The following DLGAP1 variants were observed in gnomAD, a reference collection of about 807,000 sequenced individuals.
DLGAP1 encodes disks large-associated protein 1.
Under a neutral mutation model 90.8 loss-of-function variants are expected in DLGAP1, and 11 were observed. The observed-to-expected ratio is 0.12, with a 90% CI of 0.08 to 0.20. DLGAP1 has a LOEUF of 0.20. DLGAP1 is among the 10% of genes least tolerant of loss of function. The pLI, the probability that DLGAP1 is intolerant of heterozygous loss-of-function variation, is 1.00. For synonymous variants in DLGAP1, 558 were observed against 540.7 expected (o/e 1.03, Z -0.44); for missense variants, 1,050 against 1,333.8 (o/e 0.79, Z 3.31).
chr18:4,261,843 C>T (rs556640967), intron 1 of DLGAP1, among the ~76,000 whole-genome samples: 4 of 152,162 alleles, frequency 2.6e-5, no homozygotes, highest in African/African-American at 9.6e-5. Context: ...AGCAGTAAAG[C>T]TCAGTGAGCT....
chr18:4,144,040 C>G (rs556705607), intron 2 of DLGAP1, among the ~76,000 whole-genome samples: 1 of 152,108 alleles, frequency 6.6e-6, no homozygotes, highest in Non-Finnish European at 1.5e-5. Context: ...GAAGAAGTCT[C>G]TCTTAGGGTG....
intron 1 of DLGAP1, among the ~76,000 whole-genome samples, chr18:4,423,851 T>TA (rs36053501): frequency 0.067 from 8,109 of 120,578 alleles, 901 homozygotes; most frequent in African/African-American, 0.24. Flanking sequence ...CCCAGGAATT[T>TA]AAAAAAAAAA....
rs189429473 is a variant in DLGAP1 at position 3,686,895 on chromosome 18, G to A, written c.1591+42240C>T. The stretch of plus-strand genomic sequence containing the variant: ...AAAGGGTCTTTGCAGAACTGATTAA[G>A]GATCCTGAGGTGGTGAGATTATCCC... On this transcript the variant is annotated intron_variant, in intron 7 of 12. Coordinates refer to ENST00000315677, the MANE Select transcript of DLGAP1 (RefSeq NM_004746.4). Among the ~76,000 whole-genome samples, 126 of 152,264 alleles carry A rather than the reference G, an allele frequency of 8.3e-4. 1 individual carries two copies. Among genetic ancestry groups the A allele is most frequent in the Non-Finnish European group, 1.0e-4 (7 of 68,022 alleles).
chr18:3,964,265 T>A (rs2073272673), intron 3 of DLGAP1, among the ~76,000 whole-genome samples: 1 of 152,046 alleles, frequency 6.6e-6, no homozygotes, highest in South Asian at 2.1e-4. Context: ...GATTTAGGGA[T>A]CTATTTATCA....
At chr18:4,006,397 C>A (rs2074300957) in intron 2 of DLGAP1, among the ~76,000 whole-genome samples, 1 of 152,182 alleles carries the variant, frequency 6.6e-6, no homozygotes, top group African/African-American at 2.4e-5. Context: ...TTTCATTTCT[C>A]ATTTCTTCAT....
At chr18:4,386,105 T>C (rs1164894168) in intron 1 of DLGAP1, among the ~76,000 whole-genome samples, 5 of 152,140 alleles carry the variant, frequency 3.3e-5, no homozygotes, top group Non-Finnish European at 5.9e-5. Context: ...TGACAAGGGA[T>C]TGCTGGGGGC....
At chr18:4,443,726 G>A (rs2083592680) in intron 1 of DLGAP1, among the ~76,000 whole-genome samples, 2 of 152,080 alleles carry the variant, frequency 1.3e-5, no homozygotes, top group South Asian at 4.1e-4. Flanking sequence ...AGCTCTCTTC[G>A]GAGCAACTCA....
intron 1 of DLGAP1, among the ~76,000 whole-genome samples, chr18:4,305,394 T>G (rs1416227625): frequency 6.6e-6 from 1 of 151,412 alleles, no homozygotes; most frequent in Non-Finnish European, 1.5e-5. Context: ...ATTAGCTGGG[T>G]GTGGTGGCAC....
intron 10 of DLGAP1, among the ~76,000 whole-genome samples, chr18:3,523,665 G>C (rs1385631889): frequency 6.6e-6 from 1 of 151,916 alleles, no homozygotes; most frequent in Non-Finnish European, 1.5e-5. Flanking sequence ...GGCTAACACG[G>C]TGAAACCCCG....
In DLGAP1 at chr18:4,413,067, T is replaced by C. The variant is rs572439067; in HGVS notation, c.-267+41939A>G. 2.0e-5 allele frequency among the ~76,000 whole-genome samples: 3 copies of C among 152,302 alleles called. No homozygotes were observed. In the East Asian group the frequency reaches 5.8e-4, roughly 29 times the overall value. ...GTTTTTGATACTCCCTGCCCAACTG[T>C]GATGGAGTATGGAGAAGTGCCACAG... On this transcript the variant is annotated intron_variant, in intron 1 of 12. Coordinates refer to ENST00000315677, the MANE Select transcript of DLGAP1 (RefSeq NM_004746.4).
chr18:4,436,141 A>C (rs1329892492), intron 1 of DLGAP1, among the ~76,000 whole-genome samples: 1 of 152,200 alleles, frequency 6.6e-6, no homozygotes, highest in East Asian at 1.9e-4. Flanking sequence ...GCAGATAAAC[A>C]TGGTCATATT....
chr18:4,095,955 T>C (rs966017953), intron 2 of DLGAP1, among the ~76,000 whole-genome samples: 1 of 152,132 alleles, frequency 6.6e-6, no homozygotes, highest in Non-Finnish European at 1.5e-5. Flanking sequence ...CTAAAGAGCC[T>C]GTGTTTACCT....
intron 2 of DLGAP1, among the ~76,000 whole-genome samples, chr18:4,022,408 T>TACACAC (rs10626913): frequency 2.0e-3 from 302 of 149,138 alleles, no homozygotes; most frequent in African/African-American, 6.7e-3. Context: ...TTCTACCTTT[T>TACACAC]ACACACACAC....
At chr18:3,584,302 G>T (rs2055748406) in intron 7 of DLGAP1, among the ~76,000 whole-genome samples, 1 of 150,848 alleles carries the variant, frequency 6.6e-6, no homozygotes, top group African/African-American at 2.4e-5. Context: ...TGTCACTGTG[G>T]CTCCATCACA....
intron 5 of DLGAP1, among the ~76,000 whole-genome samples, chr18:3,802,279 G>C (rs1440035692): frequency 6.6e-6 from 1 of 152,170 alleles, no homozygotes; most frequent in East Asian, 1.9e-4. Context: ...CACCGACCCC[G>C]CCACGCAGGC....
At chr18:4,109,154 C>T (rs1344963378) in intron 2 of DLGAP1, among the ~76,000 whole-genome samples, 1 of 122,720 alleles carries the variant, frequency 8.1e-6, no homozygotes, top group East Asian at 2.2e-4. Context: ...TATCTGGTGC[C>T]ATCCGCAACT....
At chr18:3,888,936 C>T (rs1315138806) in intron 3 of DLGAP1, among the ~76,000 whole-genome samples, 3 of 152,242 alleles carry the variant, frequency 2.0e-5, no homozygotes, top group African/African-American at 4.8e-5. Flanking sequence ...TTGGTTATCT[C>T]GGCTAAATGG....
intron 4 of DLGAP1, among the ~76,000 whole-genome samples, chr18:3,833,302 C>G (rs149901694): frequency 3.3e-3 from 503 of 151,496 alleles, no homozygotes; most frequent in Middle Eastern, 6.8e-3. Flanking sequence ...GGTGCAATCA[C>G]AGCTCACTGC....
chr18:4,439,080 A>G (rs1283132311), intron 1 of DLGAP1, among the ~76,000 whole-genome samples: 1 of 152,108 alleles, frequency 6.6e-6, no homozygotes, highest in Non-Finnish European at 1.5e-5. Flanking sequence ...TCCCCGCCCC[A>G]AAGGAGAGAC....
Sources: gnomAD v4.1 joint callset for allele counts (sites outside exome capture counted in the v4.1 genomes callset) on GRCh38, gnomAD v4.1.1 for gene constraint, MANE v1.5 for transcripts, NCBI Gene and HGNC (gene_info 2026-07-23, HGNC 2026-07-21) for gene names.